PRKN: variants seen among roughly 807,000 people sequenced by gnomAD.
PRKN encodes the protein E3 ubiquitin-protein ligase parkin.
PRKN carries 56 observed loss-of-function variants against 59.5 expected under a neutral mutation model. The observed-to-expected ratio is 0.94, with a 90% CI of 0.76 to 1.18. The LOEUF is 1.18. PRKN is among the 50% of genes most tolerant of loss of function. PRKN has a pLI of 0.00. For synonymous variants in PRKN, 250 were observed against 222.1 expected, an observed-to-expected ratio of 1.13 and a Z score of -1.12; for missense variants, 657 against 596.4, an observed-to-expected ratio of 1.10 and a Z score of -1.06.
chr6:162,455,295 A>C (rs1397731195), intron 1 of PRKN, among the ~76,000 whole-genome samples: 1 of 151,516 alleles, frequency 6.6e-6, no homozygotes, highest in Non-Finnish European at 1.5e-5. Context: ...CCATCCACCT[A>C]CTCCTCTGTA....
chr6:162,099,365 T>C (rs1412959277), intron 4 of PRKN, among the ~76,000 whole-genome samples: 1 of 152,242 alleles, frequency 6.6e-6, no homozygotes, highest in Non-Finnish European at 1.5e-5. Flanking sequence ...ATAAATTTCA[T>C]ACTGAAACAA....
chr6:162,216,366 T>C (rs934037447), intron 3 of PRKN, among the ~76,000 whole-genome samples: 1 of 150,754 alleles, frequency 6.6e-6, no homozygotes, highest in African/African-American at 2.4e-5. Context: ...CCGTCTCTAC[T>C]AAAAATACAA....
intron 7 of PRKN, among the ~76,000 whole-genome samples, chr6:161,676,967 T>C (rs1785110841): frequency 6.6e-6 from 1 of 152,232 alleles, no homozygotes; most frequent in Non-Finnish European, 1.5e-5. Context: ...TCTTTCATCA[T>C]GTTCAAGGAG....
chr6:161,969,891 C>A (rs1252466524), intron 6 of PRKN, among the ~76,000 whole-genome samples: 2 of 152,004 alleles, frequency 1.3e-5, no homozygotes, highest in Non-Finnish European at 2.9e-5. Context: ...TTCAAAGAGT[C>A]TGCGGGCCTA....
intron 9 of PRKN, among the ~76,000 whole-genome samples, chr6:161,425,622 A>G (rs13211741): frequency 0.37 from 56,345 of 151,818 alleles, 12,222 homozygotes; most frequent in Middle Eastern, 0.53. Context: ...CCCCTTGGCT[A>G]CTCCCCAGTC....
chr6:162,622,374 G>GCCA (rs1782712132), intron 1 of PRKN, among the ~76,000 whole-genome samples: 1 of 151,660 alleles, frequency 6.6e-6, no homozygotes, highest in African/African-American at 2.4e-5. Context: ...AGTAGAGACG[G>GCCA]GGTTTTGCAA....
chr6:161,946,618 C>T (rs1033033126), intron 6 of PRKN, among the ~76,000 whole-genome samples: 1 of 152,006 alleles, frequency 6.6e-6, no homozygotes, highest in Admixed American at 6.6e-5. Context: ...TTCTGAGATC[C>T]ACCAAAAAAC....
intron 2 of PRKN, among the ~76,000 whole-genome samples, chr6:162,380,854 T>A (rs1786441703): frequency 6.6e-6 from 1 of 152,158 alleles, no homozygotes; most frequent in Admixed American, 6.5e-5. Flanking sequence ...GTAAGGTGTT[T>A]AAGAGTCTGT....
chr6:162,548,671 C>T (rs1269254284), intron 1 of PRKN, among the ~76,000 whole-genome samples: 3 of 152,152 alleles, frequency 2.0e-5, no homozygotes, highest in Non-Finnish European at 4.4e-5. Flanking sequence ...AGCTAAAAGA[C>T]ATTTTCATTT....
At chr6:162,070,761 T>C (rs942306906) in intron 4 of PRKN, among the ~76,000 whole-genome samples, 1 of 152,170 alleles carries the variant, frequency 6.6e-6, no homozygotes, top group Non-Finnish European at 1.5e-5. Flanking sequence ...AATAGAGTTC[T>C]TGCTCCTAGG....
At chr6:161,481,041 G>A (rs1337658027) in intron 9 of PRKN, among the ~76,000 whole-genome samples, 1 of 152,192 alleles carries the variant, frequency 6.6e-6, no homozygotes. Context: ...AAGTGGGCAG[G>A]CACTGCCCCT....
chr6:161,985,608 C>T (rs948839921), intron 5 of PRKN, among the ~76,000 whole-genome samples: 1 of 152,214 alleles, frequency 6.6e-6, no homozygotes, highest in Non-Finnish European at 1.5e-5. Flanking sequence ...TATTATTTTA[C>T]ATTTATTTCT....
intron 1 of PRKN, among the ~76,000 whole-genome samples, chr6:162,665,340 G>A (rs1779060293): frequency 6.6e-6 from 1 of 152,012 alleles, no homozygotes; most frequent in Admixed American, 6.6e-5. Context: ...CAAAGTCTCA[G>A]GATACAAAAT....
chr6:162,675,395 G>C (rs563406594), intron 1 of PRKN, among the ~76,000 whole-genome samples: 1 of 152,212 alleles, frequency 6.6e-6, no homozygotes, highest in South Asian at 2.1e-4. Flanking sequence ...AAACAAGGAG[G>C]TGATGATATT....
At chr6:162,285,266 ATTTTTTTTTTTT>A (rs11392809) in intron 2 of PRKN, among the ~76,000 whole-genome samples, 3 of 95,928 alleles carry the variant, frequency 3.1e-5, no homozygotes, top group East Asian at 3.5e-4. Context: ...TATTTTGGAG[ATTTTTTTTTTTT>A]TTTTTTTTTT....
At chr6:161,988,262 G>A (rs1328269154) in intron 5 of PRKN, among the ~76,000 whole-genome samples, 1 of 152,168 alleles carries the variant, frequency 6.6e-6, no homozygotes, top group East Asian at 1.9e-4. Context: ...CGAGGCAGGC[G>A]GATCACCTGA....
intron 1 of PRKN, among the ~76,000 whole-genome samples, chr6:162,545,401 G>C (rs989005074): frequency 6.6e-6 from 1 of 152,160 alleles, no homozygotes; most frequent in Non-Finnish European, 1.5e-5. Flanking sequence ...TGAACTGCCA[G>C]AATTACACAG....
intron 6 of PRKN, among the ~76,000 whole-genome samples, chr6:161,864,787 G>T (rs1180342783): frequency 1.6e-5 from 2 of 123,546 alleles, no homozygotes; most frequent in East Asian, 4.3e-4. Flanking sequence ...CTCCTGAGTA[G>T]CTGGGATTAC....
intron 9 of PRKN, among the ~76,000 whole-genome samples, chr6:161,452,848 T>C (rs1165002582): frequency 6.6e-6 from 1 of 151,338 alleles, no homozygotes; most frequent in Non-Finnish European, 1.5e-5. Flanking sequence ...TGACTTTAAA[T>C]CCAAATTCTC....
Sources: allele counts gnomAD v4.1 joint callset (sites outside exome capture counted in the v4.1 genomes callset), GRCh38; gene constraint gnomAD v4.1.1; transcripts MANE v1.5; gene names NCBI Gene and HGNC (gene_info 2026-07-23, HGNC 2026-07-21).